KIAA1217: variants seen among roughly 807,000 people sequenced by gnomAD.
KIAA1217 encodes KIAA1217.
KIAA1217 carries 88 observed loss-of-function variants against 163.9 expected under a neutral mutation model. The observed-to-expected ratio is 0.54, with a 90% CI of 0.45 to 0.64. KIAA1217 has a LOEUF of 0.64. Ranked by LOEUF, KIAA1217 falls within the 30% of genes least tolerant of loss-of-function variation. The pLI is 0.00. For synonymous variants in KIAA1217, 903 were observed against 923.1 expected, an observed-to-expected ratio of 0.98 and a Z score of 0.39; for missense variants, 2,372 against 2,475.0, an observed-to-expected ratio of 0.96 and a Z score of 0.88.
chr10:23,874,657 C>A (rs1840602348), intron 1 of KIAA1217, among the ~76,000 whole-genome samples: 1 of 151,916 alleles, frequency 6.6e-6, no homozygotes, highest in African/African-American at 2.4e-5. Context: ...ATGCTGGGAC[C>A]ATACCCCAGA....
intron 2 of KIAA1217, among the ~76,000 whole-genome samples, chr10:24,123,432 G>A (rs140134107): frequency 1.3e-5 from 2 of 151,972 alleles, no homozygotes; most frequent in African/African-American, 2.4e-5. Flanking sequence ...CTGCAGTTTT[G>A]CCATTACAAC....
intron 1 of KIAA1217, among the ~76,000 whole-genome samples, chr10:23,803,417 G>C (rs750161022): frequency 3.3e-5 from 5 of 152,200 alleles, no homozygotes; most frequent in Non-Finnish European, 7.3e-5. Context: ...TCAAGGCAGG[G>C]TGCCAGGGCC....
intron 2 of KIAA1217, among the ~76,000 whole-genome samples, chr10:24,310,394 T>A (rs2042552060): frequency 6.6e-6 from 1 of 152,188 alleles, no homozygotes; most frequent in African/African-American, 2.4e-5. Context: ...CAGGATAAGA[T>A]GAATGACCAC....
In KIAA1217 at chr10:24,005,288, A is replaced by T. The variant is rs973711691; in HGVS notation, c.-320-1937A>T. Among the ~76,000 whole-genome samples, 9 of 152,188 alleles carry T rather than the reference A, an allele frequency of 5.9e-5. No homozygotes were observed. In the East Asian group the frequency reaches 1.5e-3, roughly 26 times the overall value. ...GCTTGGCACTCAATGTAAGCTAGTT[A>T]TTGTCTATATTATTTTATATACATT... On this transcript the variant is annotated intron_variant, in intron 1 of 18. Coordinates refer to the KIAA1217 transcript ENST00000376462.
intron 1 of KIAA1217, among the ~76,000 whole-genome samples, chr10:23,879,937 C>G (rs1156467466): frequency 5.3e-5 from 8 of 151,720 alleles, no homozygotes; most frequent in Non-Finnish European, 1.2e-4. Context: ...GCCAGTTGCT[C>G]CACATAACAG....
At chr10:24,528,243 A>G (rs2072503440) in intron 14 of KIAA1217, 124 bp downstream of exon 14, 1 of 739,040 alleles carries the variant, frequency 1.4e-6, no homozygotes, top group Non-Finnish European at 2.1e-6. Flanking sequence ...ATCTTACAAA[A>G]TGTAAAACCT....
intron 1 of KIAA1217, among the ~76,000 whole-genome samples, chr10:23,764,782 C>G (rs902266884): frequency 3.3e-5 from 5 of 151,968 alleles, no homozygotes; most frequent in Non-Finnish European, 7.4e-5. Context: ...CATCACACAC[C>G]AGGGCCTGTT....
At chr10:24,485,468 C>A (rs190331113) in intron 6 of KIAA1217, among the ~76,000 whole-genome samples, 45 of 152,302 alleles carry the variant, frequency 3.0e-4, no homozygotes, top group African/African-American at 1.1e-3. Flanking sequence ...TGGCTCCTCT[C>A]CAAACTCAAG....
In KIAA1217 at chr10:24,045,340, C is replaced by G. The variant is rs185972679; in HGVS notation, c.-171+37966C>G. ...TATTTAAAAGTATAGGTGTTTTATT[C>G]ATTCATTTTGGCTTGATGGGCTCTT... is the stretch of plus-strand genomic sequence containing the variant. On this transcript the variant is annotated intron_variant, in intron 2 of 18. Transcript: ENST00000376462. Among the ~76,000 whole-genome samples, 87 of 151,952 alleles carry G rather than the reference C, an allele frequency of 5.7e-4. No individual in the cohort carries two copies. In the East Asian group the frequency reaches 0.013, roughly 23 times the overall value.
At chr10:24,423,948 T>A (rs2058971432) in intron 3 of KIAA1217, among the ~76,000 whole-genome samples, 1 of 152,158 alleles carries the variant, frequency 6.6e-6, no homozygotes, top group South Asian at 2.1e-4. Flanking sequence ...TCCTCAAGTA[T>A]CAGGTCACTA....
At chr10:24,064,301 T>A (rs1478214786) in intron 2 of KIAA1217, among the ~76,000 whole-genome samples, 1 of 152,194 alleles carries the variant, frequency 6.6e-6, no homozygotes, top group Non-Finnish European at 1.5e-5. Flanking sequence ...CTCTTATTAT[T>A]TTGAGATACA....
intron 2 of KIAA1217, among the ~76,000 whole-genome samples, chr10:24,299,690 G>A (rs1029443663): frequency 6.6e-6 from 1 of 152,292 alleles, no homozygotes; most frequent in Admixed American, 6.5e-5. Flanking sequence ...ATGAGCCACT[G>A]ACTCAATCTA....
intron 1 of KIAA1217, among the ~76,000 whole-genome samples, chr10:24,215,398 C>A (rs1170408825): frequency 6.6e-6 from 1 of 152,224 alleles, no homozygotes. Context: ...GAATAGCGAA[C>A]AGCTAGACAC....
At chr10:24,261,688 T>A (rs1564362941) in intron 2 of KIAA1217, among the ~76,000 whole-genome samples, 1 of 151,964 alleles carries the variant, frequency 6.6e-6, no homozygotes, top group Non-Finnish European at 1.5e-5. Flanking sequence ...GATCCTCTTG[T>A]CGGGGAAAAA....
chr10:24,427,958 T>C (rs146566409), intron 3 of KIAA1217, among the ~76,000 whole-genome samples: 8 of 152,338 alleles, frequency 5.3e-5, no homozygotes, highest in African/African-American at 1.9e-4. Context: ...ATTTTTCCCA[T>C]CCTGCCTGGC....
At chr10:24,296,764 G>A (rs899163868) in intron 2 of KIAA1217, among the ~76,000 whole-genome samples, 11 of 152,176 alleles carry the variant, frequency 7.2e-5, no homozygotes, top group African/African-American at 2.7e-4. Flanking sequence ...TCACTGGGTA[G>A]TGTTTGGCCT....
At chr10:23,779,890 G>T (rs1437680440) in intron 1 of KIAA1217, among the ~76,000 whole-genome samples, 5 of 152,084 alleles carry the variant, frequency 3.3e-5, no homozygotes, top group African/African-American at 1.2e-4. Flanking sequence ...ATTCACCATT[G>T]TGTTACAATT....
chr10:24,533,018 G>T, intron 15 of KIAA1217, 52 bp from the exon 16 acceptor site: 1 of 1,516,098 alleles, frequency 6.6e-7, no homozygotes, highest in South Asian at 1.3e-5. Flanking sequence ...TCCCTTTTTT[G>T]CTAGCACCTA....
chr10:23,924,085 G>C (rs1468411373), intron 1 of KIAA1217, among the ~76,000 whole-genome samples: 1 of 151,704 alleles, frequency 6.6e-6, no homozygotes, highest in African/African-American at 2.4e-5. Context: ...ATCAATTTAT[G>C]ATCAAAACTG....
Sources: gnomAD v4.1 joint callset for allele counts (sites outside exome capture counted in the v4.1 genomes callset) on GRCh38, gnomAD v4.1.1 for gene constraint, MANE v1.5 for transcripts, NCBI Gene and HGNC (gene_info 2026-07-23, HGNC 2026-07-21) for gene names.